The following SLC12A9 variants were observed in gnomAD, a reference collection of about 807,000 sequenced individuals.
SLC12A9 encodes the protein CCC-interacting protein 1.
A neutral mutation model predicts 66.0 loss-of-function variants in SLC12A9; 55 were observed. That is an observed-to-expected ratio of 0.83 (90% CI 0.67 to 1.04). SLC12A9 has a LOEUF of 1.04. SLC12A9 is among the 50% of genes least tolerant of loss of function. SLC12A9 has a pLI of 0.00. For synonymous variants in SLC12A9, 577 were observed against 569.0 expected (o/e 1.01, Z -0.20); for missense variants, 1,061 against 1,241.9 (o/e 0.85, Z 2.19).
chr7:100,843,523 A>C lies in SLC12A9; in HGVS notation n.229-16362A>C, dbSNP rs1813831790. Among the ~76,000 whole-genome samples, 5 of 152,356 alleles carry C rather than the reference A, an allele frequency of 3.3e-5. No homozygotes were observed. In the South Asian group the frequency reaches 1.0e-3, roughly 32 times the overall value. ...CAGAAAGAGAAAAAAAGGCAGTTAG[A>C]GTTTTAACCCAGACTGTAGGGCCCT... On this transcript the variant is annotated intron_variant and non_coding_transcript_variant, in intron 1 of 1. Transcript: ENST00000461016.
intron 1 of SLC12A9, among the ~76,000 whole-genome samples, chr7:100,836,940 TCTC>T (rs1813673144): frequency 6.6e-6 from 1 of 151,938 alleles, no homozygotes; most frequent in Non-Finnish European, 1.5e-5. Flanking sequence ...TGCCATTAGA[TCTC>T]CTTGTCCCGA....
chr7:100,841,063 A>G (rs927814568), intron 1 of SLC12A9, among the ~76,000 whole-genome samples: 8 of 152,098 alleles, frequency 5.3e-5, no homozygotes, highest in Admixed American at 5.2e-4. Flanking sequence ...GTTCAGAAGT[A>G]TCCTAAGGAA....
At chr7:100,829,040 T>C (rs1813490088) in intron 1 of SLC12A9, among the ~76,000 whole-genome samples, 1 of 150,186 alleles carries the variant, frequency 6.7e-6, no homozygotes, top group Non-Finnish European at 1.5e-5. Context: ...CAGGCTGGAG[T>C]GCAGTGGCGT....
intron 4 of SLC12A9, chr7:100,856,617 C>A: frequency 2.1e-6 from 1 of 468,432 alleles, no homozygotes. Flanking sequence ...CGGGCTCATG[C>A]GATTCTCCCA....
At chr7:100,850,712 T>C (rs2116562115), upstream of SLC12A9, among the ~76,000 whole-genome samples, 1 of 149,896 alleles carries the variant, frequency 6.7e-6, no homozygotes, top group Admixed American at 6.6e-5. Context: ...TTTCTTTTCT[T>C]CTTCTTCTTC....
At chr7:100,855,247 T>C (rs1445693459) in intron 3 of SLC12A9, among the ~76,000 whole-genome samples, 1 of 152,018 alleles carries the variant, frequency 6.6e-6, no homozygotes, top group East Asian at 1.9e-4. Context: ...CTCAGCCTCC[T>C]GAGTAGCCAG....
Position 100,861,040 on chromosome 7 carries a change from GAC to G in SLC12A9, c.1219-95_1219-94del. 6.2e-7 allele frequency: 1 copy of G among 1,601,376 alleles called. No individual in the cohort carries two copies. Among genetic ancestry groups the G allele is most frequent in the Non-Finnish European group, 8.5e-7 (1 of 1,172,980 alleles). ...TCACTGGCACTTTCTGGGGCTCATT[GAC>G]ACTTTGGGGTACACTGGCATTCTTT... On this transcript the variant is annotated intron_variant, in intron 9 of 13. Coordinates refer to ENST00000354161, the MANE Select transcript of SLC12A9 (RefSeq NM_020246.4). This position sits in a 1 kb window ranked among gnomAD's most constrained non-coding sequence, Gnocchi z 5.3.
upstream of SLC12A9, chr7:100,852,455 C>G (rs1814122793): frequency 6.6e-6 from 1 of 152,270 alleles, no homozygotes; most frequent in Admixed American, 6.5e-5. Context: ...GGGGTGGCTG[C>G]TCACCGCACC....
In SLC12A9 at chr7:100,861,183, A is replaced by T; in HGVS notation, c.1264A>T (p.Thr422Ser). ...GCTGAACACACTGGCTGCTGTGGTC[A>T]CTGTCTTCTACCTGGTGGCCTATGC... ...GKLNTLAAVV[T>S]VFYLVAYAAV... Residue 422 changes from threonine (T) to serine (S), a missense_variant, in exon 10 of 14, where the codon ACT becomes TCT. By Grantham distance (58) the Thr-to-Ser change is moderately conservative. Transcript: ENST00000354161. The surrounding 1 kb of genome is among the most constrained non-coding windows in gnomAD (Gnocchi z 5.3). 2 of 1,614,166 alleles carry T rather than the reference A, an allele frequency of 1.2e-6. No homozygotes were observed. Among genetic ancestry groups the T allele is most frequent in the Non-Finnish European group, 1.7e-6 (2 of 1,180,016 alleles).
intron 3 of SLC12A9, 39 bp downstream of exon 3, chr7:100,854,793 C>A: frequency 1.2e-6 from 2 of 1,610,480 alleles, no homozygotes; most frequent in Non-Finnish European, 8.5e-7. Context: ...CTGGCCTGTT[C>A]TGCCTGCTAG....
chr7:100,857,013 G>C lies in SLC12A9; in HGVS notation c.594G>C (p.Leu198=), dbSNP rs769659968. The stretch of plus-strand genomic sequence containing the variant: ...CCCGGGCCTCATTCCTCACATTCCT[G>C]CTGGTCTCTGGCTCCCTGGCCTCTG... ...LYARASFLTF[L]LVSGSLASVL... is the part of the protein sequence containing the mutation. The change falls in exon 5 of 14, where the codon CTG becomes CTC. Residue 198 remains leucine (L), a synonymous_variant. Transcript: ENST00000354161. 3.1e-6 allele frequency: 5 copies of C among 1,614,164 alleles called. No individual in the cohort carries two copies. Among genetic ancestry groups the C allele is most frequent in the Non-Finnish European group, 3.4e-6 (4 of 1,180,030 alleles).
rs550749940 is a variant in SLC12A9 at position 100,827,608 on chromosome 7, C to A, written n.228+561C>A. 29 of 152,364 alleles carry A rather than the reference C, an allele frequency of 1.9e-4. No homozygotes were observed. The South Asian group carries it at 5.8e-3, about 30-fold the overall frequency. The allele number at this position is 152,364 out of a possible 1,614,324, so 9.4% of individuals were successfully genotyped here. A position where few individuals can be genotyped will look rare whatever the true frequency, so the allele number is the denominator to read the frequency against. ...CAACGCGGGGGCTCCGCGAGTGAGC[C>A]CCGGGCGCGCTGATTGGAGCTCACG... is the stretch of plus-strand genomic sequence containing the variant. On this transcript the variant is annotated intron_variant and non_coding_transcript_variant, in intron 1 of 1. Transcript: ENST00000461016.
intron 1 of SLC12A9, among the ~76,000 whole-genome samples, chr7:100,836,114 C>G (rs1813653332): frequency 6.6e-6 from 1 of 152,180 alleles, no homozygotes; most frequent in African/African-American, 2.4e-5. Flanking sequence ...CATCCCAGCA[C>G]CCACTGGACT....
In SLC12A9 at chr7:100,843,863, A is replaced by G. The variant is rs371979570; in HGVS notation, n.229-16022A>G. 7.9e-5 allele frequency among the ~76,000 whole-genome samples: 12 copies of G among 152,344 alleles called. No homozygotes were observed. The South Asian group carries it at 2.3e-3, about 29-fold the overall frequency. ...CCAGTATCAGAAAGCCCAGTTGAAC[A>G]TAACTGTATAGGGGTGTTAGACTCA... On this transcript the variant is annotated intron_variant and non_coding_transcript_variant, in intron 1 of 1. Coordinates refer to the SLC12A9 transcript ENST00000461016.
Position 100,859,006 on chromosome 7 carries a change from A to G in SLC12A9, c.866-44A>G, listed in dbSNP as rs763190685. The G allele has an allele frequency of 1.1e-4, 172 of 1,608,756 alleles. No homozygotes were observed. The highest frequency in any genetic ancestry group is 1.5e-4 in the Admixed American group (9 of 59,904). ...CTGCCACCGTGAGGGACCCAGGGGG[A>G]TGGCTGGAGGGCTGACCTCACTCCC... is the stretch of plus-strand genomic sequence containing the variant. On this transcript the variant is annotated intron_variant, in intron 6 of 13. Coordinates refer to ENST00000354161, the MANE Select transcript of SLC12A9 (RefSeq NM_020246.4).
intron 1 of SLC12A9, among the ~76,000 whole-genome samples, chr7:100,840,214 T>A: frequency 6.6e-6 from 1 of 152,168 alleles, no homozygotes; most frequent in South Asian, 2.1e-4. Flanking sequence ...GTGAGTGTGG[T>A]GTTTTGTGTC....
At position 100,866,885 on chromosome 7, in the gene SLC12A9, C is replaced by T; in HGVS notation, c.*280C>T. The T allele has an allele frequency of 2.6e-6, 1 of 390,520 alleles. No individual in the cohort carries two copies. Among genetic ancestry groups the T allele is most frequent in the Non-Finnish European group, 4.6e-6 (1 of 219,446 alleles). 24.2% of individuals were successfully genotyped at this position (390,520 alleles called of 1,614,324 possible). Reference sequence around the variant, plus strand: ...CTTGATGCTAGGGGCCAGGCCTCCTCTGTGACTCTGGGCTACCTCAGTTTC... The same window carrying T: ...CTTGATGCTAGGGGCCAGGCCTCCTTTGTGACTCTGGGCTACCTCAGTTTC... On this transcript the variant is annotated 3_prime_UTR_variant, in exon 14 of 14. Transcript: ENST00000354161. The surrounding 1 kb of genome is among the most constrained non-coding windows in gnomAD (Gnocchi z 7.3).
intron 13 of SLC12A9, among the ~76,000 whole-genome samples, chr7:100,865,130 G>C (rs552379308): frequency 1.4e-4 from 21 of 152,112 alleles, no homozygotes; most frequent in African/African-American, 5.1e-4. Flanking sequence ...GCTAATTTTT[G>C]TATTTTTAGT....
Position 100,866,568 on chromosome 7 carries a change from T to C in SLC12A9, c.2708T>C (p.Val903Ala). The C allele has an allele frequency of 6.3e-7, 1 of 1,589,180 alleles. No individual in the cohort carries two copies. Among genetic ancestry groups the C allele is most frequent in the Non-Finnish European group, 8.6e-7 (1 of 1,169,018 alleles). Reference sequence around the variant, plus strand: ...CGAGACCTGGGCCCCACGCTGCTGGTTCATGGGGTCACTCCAGTCACCTGC... The same window carrying C: ...CGAGACCTGGGCCCCACGCTGCTGGCTCATGGGGTCACTCCAGTCACCTGC... ...LTRDLGPTLLVHGVTPVTCTD... is the reference protein window; with the variant it reads ...LTRDLGPTLLAHGVTPVTCTD... Residue 903 changes from valine (V) to alanine (A), a missense_variant, in exon 14 of 14, where the codon GTT (valine) becomes GCT (alanine). Val to Ala is a moderately conservative substitution (Grantham distance 64). Coordinates refer to ENST00000354161, the MANE Select transcript of SLC12A9 (RefSeq NM_020246.4). This position sits in a 1 kb window ranked among gnomAD's most constrained non-coding sequence, Gnocchi z 7.3.
Sources: gnomAD v4.1 joint callset for allele counts (sites outside exome capture counted in the v4.1 genomes callset) on GRCh38, gnomAD v4.1.1 for gene constraint, Gnocchi (gnomAD v3.1) non-coding constraint, MANE v1.5 for transcripts, NCBI Gene and HGNC (gene_info 2026-07-23, HGNC 2026-07-21) for gene names.